The following GPM6A variants were observed in gnomAD, a reference collection of about 807,000 sequenced individuals.
GPM6A encodes glycoprotein M6A, also known as neuronal membrane glycoprotein M6-a.
Under a neutral mutation model 32.1 loss-of-function variants are expected in GPM6A, and 7 were observed. The observed-to-expected ratio is 0.22, with a 90% confidence interval of 0.12 to 0.41. The LOEUF (loss-of-function observed/expected upper bound fraction) is 0.41, where lower values mean the gene tolerates loss of function less well. GPM6A is among the 10% of genes least tolerant of loss of function. The probability of loss-of-function intolerance (pLI) is 1.00; values close to 1 mark genes in which losing one functional copy is unlikely to be tolerated. For synonymous variants in GPM6A, 130 were observed against 123.4 expected (o/e 1.05, Z -0.35); for missense variants, 235 against 347.2 (o/e 0.68, Z 2.57).
chr4:175,978,313 G>A (rs551062804), intron 1 of GPM6A, among the ~76,000 whole-genome samples: 15 of 152,080 alleles, frequency 9.9e-5, no homozygotes, highest in African/African-American at 2.4e-4. Context: ...ATCAGATCTC[G>A]TGAGAACTCA....
intron 3 of GPM6A, among the ~76,000 whole-genome samples, chr4:175,672,217 T>C (rs1743119410): frequency 6.6e-6 from 1 of 152,230 alleles, no homozygotes; most frequent in African/African-American, 2.4e-5. Context: ...GTTATTACCT[T>C]ACGGTAAAGA....
At chr4:175,959,746 A>G (rs1480149577) in intron 1 of GPM6A, among the ~76,000 whole-genome samples, 1 of 152,186 alleles carries the variant, frequency 6.6e-6, no homozygotes, top group East Asian at 1.9e-4. Flanking sequence ...AAATTAGTAG[A>G]GTGAAAGGAA....
At position 175,653,520 on chromosome 4, in the gene GPM6A, C is replaced by A. The variant is rs543046573; in HGVS notation, c.388-1533G>T. ...CTTTATACATCTAAGATGAAACAAA[C>A]CCTGCCTTAAGAATATTAGCAAATA... On this transcript the variant is annotated intron_variant, in intron 3 of 6. Coordinates refer to ENST00000393658, the MANE Select transcript of GPM6A (RefSeq NM_201591.3). Among the ~76,000 whole-genome samples, 3 of 152,162 alleles carry A rather than the reference C, an allele frequency of 2.0e-5. No homozygotes were observed. In the East Asian group the frequency reaches 5.8e-4, roughly 29 times the overall value.
intron 1 of GPM6A, among the ~76,000 whole-genome samples, chr4:175,886,722 AAC>A (rs34241399): frequency 0.48 from 70,593 of 145,554 alleles, 17,480 homozygotes; most frequent in East Asian, 0.69. Context: ...AAACTCAGTA[AAC>A]ACACACACAC....
chr4:175,880,995 G>T (rs1364451344), intron 1 of GPM6A, among the ~76,000 whole-genome samples: 4 of 152,080 alleles, frequency 2.6e-5, no homozygotes. Flanking sequence ...TGACAAATGG[G>T]ATCTAATTAA....
At chr4:175,836,203 C>T (rs1226904257) in intron 1 of GPM6A, among the ~76,000 whole-genome samples, 2 of 152,078 alleles carry the variant, frequency 1.3e-5, no homozygotes, top group Non-Finnish European at 2.9e-5. Context: ...TTCTAATCAC[C>T]ATCCTCTCTC....
intron 1 of GPM6A, among the ~76,000 whole-genome samples, chr4:175,738,787 T>C (rs1731764938): frequency 6.6e-6 from 1 of 152,176 alleles, no homozygotes; most frequent in South Asian, 2.1e-4. Flanking sequence ...GTGCAGATAA[T>C]TTGATTAAGT....
At chr4:175,875,636 G>C (rs1737061278) in intron 1 of GPM6A, among the ~76,000 whole-genome samples, 1 of 152,006 alleles carries the variant, frequency 6.6e-6, no homozygotes, top group Admixed American at 6.6e-5. Context: ...CTGGTTACTG[G>C]TAAAACCACT....
At chr4:175,826,049 TC>T (rs1735425871) in intron 1 of GPM6A, among the ~76,000 whole-genome samples, 1 of 150,774 alleles carries the variant, frequency 6.6e-6, no homozygotes, top group Non-Finnish European at 1.5e-5. Context: ...GAGCCTCTGG[TC>T]CCAGTTACTT....
At chr4:175,767,784 T>C (rs984829564) in intron 1 of GPM6A, among the ~76,000 whole-genome samples, 1 of 152,222 alleles carries the variant, frequency 6.6e-6, no homozygotes, top group South Asian at 2.1e-4. Flanking sequence ...TTGTCACCCA[T>C]GAATTCAGAG....
intron 3 of GPM6A, among the ~76,000 whole-genome samples, chr4:175,664,538 ACTTTCTT>A: frequency 6.6e-6 from 1 of 152,236 alleles, no homozygotes. Flanking sequence ...TAACTGCAAT[ACTTTCTT>A]CTTTATTATC....
intron 1 of GPM6A, among the ~76,000 whole-genome samples, chr4:175,843,406 G>A (rs190298292): frequency 1.7e-3 from 265 of 152,208 alleles, no homozygotes; most frequent in Non-Finnish European, 1.5e-3. Flanking sequence ...ACAAAACAAT[G>A]AGGAGGCAAG....
chr4:175,925,168 G>A (rs1312312443), intron 1 of GPM6A, among the ~76,000 whole-genome samples: 2 of 152,172 alleles, frequency 1.3e-5, no homozygotes, highest in Non-Finnish European at 2.9e-5. Context: ...TAAAAGTCTG[G>A]CAGTTATATT....
At chr4:175,941,031 C>T (rs953776766) in intron 1 of GPM6A, among the ~76,000 whole-genome samples, 5 of 152,136 alleles carry the variant, frequency 3.3e-5, no homozygotes, top group Non-Finnish European at 5.9e-5. Context: ...TACTAGTGTC[C>T]CTGGCGTACA....
intron 1 of GPM6A, among the ~76,000 whole-genome samples, chr4:175,719,898 C>G (rs777994400): frequency 6.6e-5 from 10 of 152,142 alleles, no homozygotes; most frequent in African/African-American, 4.8e-5. Context: ...TCCCTAAGGC[C>G]AGGGAAATAT....
intron 1 of GPM6A, among the ~76,000 whole-genome samples, chr4:175,821,914 TTTTAA>T (rs1461158604): frequency 6.6e-6 from 1 of 152,108 alleles, no homozygotes; most frequent in Non-Finnish European, 1.5e-5. Context: ...AATCTATATA[TTTTAA>T]TTTATTTCCT....
At chr4:175,734,944 AC>A (rs1319370204) in intron 1 of GPM6A, among the ~76,000 whole-genome samples, 2 of 152,202 alleles carry the variant, frequency 1.3e-5, no homozygotes, top group Non-Finnish European at 2.9e-5. Flanking sequence ...ATTTATAAGA[AC>A]CCTCCACACT....
At chr4:175,731,966 A>ATT (rs35116129) in intron 1 of GPM6A, among the ~76,000 whole-genome samples, 39,913 of 123,552 alleles carry the variant, frequency 0.32, 8,053 homozygotes, top group Admixed American at 0.43. Flanking sequence ...TCCTCACTTC[A>ATT]TTTTTTTTTT....
intron 1 of GPM6A, among the ~76,000 whole-genome samples, chr4:175,799,193 T>G (rs780818251): frequency 5.3e-5 from 8 of 152,198 alleles, no homozygotes; most frequent in Non-Finnish European, 1.0e-4. Flanking sequence ...CAATCTCCCT[T>G]TGCTCATCTG....
Sources: gnomAD v4.1 joint callset for allele counts (sites outside exome capture counted in the v4.1 genomes callset) on GRCh38, gnomAD v4.1.1 for gene constraint, MANE v1.5 for transcripts, NCBI Gene and HGNC (gene_info 2026-07-23, HGNC 2026-07-21) for gene names.